The following TRERF1 variants were observed in gnomAD, a reference collection of about 807,000 sequenced individuals.
TRERF1 encodes transcriptional-regulating factor 1.
TRERF1 carries 27 observed loss-of-function variants against 122.9 expected under a neutral mutation model. That is an observed-to-expected ratio of 0.22 (90% confidence interval 0.16 to 0.30). The LOEUF (loss-of-function observed/expected upper bound fraction) is 0.30, where lower values mean the gene tolerates loss of function less well. TRERF1 is among the 10% of genes least tolerant of loss of function. The probability of loss-of-function intolerance (pLI) is 1.00; values close to 1 mark genes in which losing one functional copy is unlikely to be tolerated. For missense variants in TRERF1, 1,248 were observed against 1,560.3 expected, an observed-to-expected ratio of 0.80 and a Z score of 3.37; for synonymous variants, 636 against 641.7, an observed-to-expected ratio of 0.99 and a Z score of 0.13.
chr6:42,238,712 T>C (rs7762738), intron 15 of TRERF1, among the ~76,000 whole-genome samples: 1,731 of 152,094 alleles, frequency 0.011, 43 homozygotes, highest in African/African-American at 0.038. Context: ...TTATGAGAAA[T>C]TGGTAAGTCA....
At chr6:42,256,581 C>T in intron 12 of TRERF1, 147 bp downstream of exon 12, 1 of 637,838 alleles carries the variant, frequency 1.6e-6, no homozygotes, top group Non-Finnish European at 2.8e-6. Flanking sequence ...GACCTACCCA[C>T]CGAGAGAAGG....
intron 4 of TRERF1, among the ~76,000 whole-genome samples, chr6:42,290,089 G>T (rs530911019): frequency 4.8e-4 from 73 of 152,326 alleles, no homozygotes; most frequent in Non-Finnish European, 7.5e-4. Flanking sequence ...AGAACAGGCA[G>T]TCACTGAAGG....
intron 3 of TRERF1, among the ~76,000 whole-genome samples, chr6:42,328,198 G>A (rs1164579027): frequency 1.3e-5 from 2 of 151,626 alleles, no homozygotes; most frequent in Non-Finnish European, 2.9e-5. Flanking sequence ...TGGTAAAGAT[G>A]GGGTTTCACT....
In TRERF1 at chr6:42,370,226, A is replaced by C. The variant is rs545201488; in HGVS notation, c.-453-7147T>G. Among the ~76,000 whole-genome samples the C allele has an allele frequency of 6.6e-5, 10 of 152,300 alleles. No individual in the cohort carries two copies. In the South Asian group the frequency reaches 2.1e-3, roughly 32 times the overall value. ...TCACACATACACACATACACACAGC[A>C]GGTTACAAAATGCATCTCTGATTTG... On this transcript the variant is annotated intron_variant, in intron 2 of 17. Transcript: ENST00000372922.
Position 42,276,565 on chromosome 6 carries a change from G to A in TRERF1, c.-258-6717C>T, listed in dbSNP as rs1781185677. 6.6e-6 allele frequency among the ~76,000 whole-genome samples: 1 copy of A among 152,178 alleles called. No homozygotes were observed. Among genetic ancestry groups the A allele is most frequent in the Non-Finnish European group, 1.5e-5 (1 of 68,038 alleles). On this transcript the variant is annotated intron_variant, in intron 4 of 17. Coordinates refer to ENST00000372922, the Ensembl canonical transcript of TRERF1. This position sits in a 1 kb window ranked among gnomAD's most constrained non-coding sequence, Gnocchi z 4.3. ...GCCAAGGGCGGCTCTCCAGGATGTG[G>A]GCCGCAGTTCGCCGTCTTCTTTTTA...
intron 4 of TRERF1, among the ~76,000 whole-genome samples, chr6:42,271,806 C>T (rs897863049): frequency 2.0e-5 from 3 of 151,974 alleles, no homozygotes; most frequent in African/African-American, 7.3e-5. Context: ...AAAGTTTCAA[C>T]TTTATATAAA....
chr6:42,325,885 C>T (rs1315867980), intron 3 of TRERF1, among the ~76,000 whole-genome samples: 1 of 152,100 alleles, frequency 6.6e-6, no homozygotes, highest in Non-Finnish European at 1.5e-5. Flanking sequence ...TCCTTCACAG[C>T]AACATGGATG....
At chr6:42,433,631 T>C (rs960883517) in intron 2 of TRERF1, among the ~76,000 whole-genome samples, 2 of 152,098 alleles carry the variant, frequency 1.3e-5, no homozygotes, top group Admixed American at 1.3e-4. Context: ...TCACCAAGCA[T>C]GTCAGGAAAT....
At chr6:42,273,550 G>A (rs1299623076) in intron 4 of TRERF1, among the ~76,000 whole-genome samples, 2 of 152,220 alleles carry the variant, frequency 1.3e-5, no homozygotes, top group African/African-American at 4.8e-5. Context: ...CAGAGGTGGA[G>A]AGGACCAGGA....
intron 13 of TRERF1, among the ~76,000 whole-genome samples, chr6:42,247,219 G>C (rs1287647938): frequency 6.6e-6 from 1 of 152,206 alleles, no homozygotes; most frequent in Non-Finnish European, 1.5e-5. Context: ...AGATGGAAGA[G>C]TATTCTGGTG....
chr6:42,373,063 A>AT (rs746573306), intron 2 of TRERF1, among the ~76,000 whole-genome samples: 12 of 152,242 alleles, frequency 7.9e-5, no homozygotes, highest in Non-Finnish European at 1.5e-4. Context: ...TGTTGTAAAG[A>AT]TTTAATGAGA....
chr6:42,441,729 T>A (rs1430567728), intron 2 of TRERF1, among the ~76,000 whole-genome samples: 2 of 151,282 alleles, frequency 1.3e-5, no homozygotes, highest in African/African-American at 4.9e-5. Flanking sequence ...CACTAACTAG[T>A]GTCAGGCTCT....
intron 15 of TRERF1, among the ~76,000 whole-genome samples, chr6:42,240,365 C>T (rs907405604): frequency 6.6e-6 from 1 of 152,206 alleles, no homozygotes; most frequent in Non-Finnish European, 1.5e-5. Context: ...TCTGATTTTG[C>T]CCCTCTTCCA....
At chr6:42,380,164 C>T (rs531703832) in intron 2 of TRERF1, among the ~76,000 whole-genome samples, 1 of 131,164 alleles carries the variant, frequency 7.6e-6, no homozygotes, top group South Asian at 2.4e-4. Context: ...ATCTCAGGAA[C>T]AACCAGGAGT....
At chr6:42,313,110 A>G (rs756634387) in intron 3 of TRERF1, among the ~76,000 whole-genome samples, 4 of 152,142 alleles carry the variant, frequency 2.6e-5, no homozygotes, top group African/African-American at 4.8e-5. Flanking sequence ...AACCAGCAGA[A>G]GTTTTGCCTT....
chr6:42,243,211 G>C (rs1488632506), intron 15 of TRERF1, 37 bp downstream of exon 15: 2 of 1,573,740 alleles, frequency 1.3e-6, no homozygotes, highest in Non-Finnish European at 1.7e-6. Context: ...GGTGGGAGCT[G>C]TCCCAGCACA....
chr6:42,280,084 G>A (rs369484817), intron 4 of TRERF1, among the ~76,000 whole-genome samples: 17 of 152,072 alleles, frequency 1.1e-4, no homozygotes, highest in Non-Finnish European at 2.1e-4. Context: ...TTATGACGTC[G>A]GTGCCACGGG....
chr6:42,403,548 C>T (rs970372488), intron 2 of TRERF1, among the ~76,000 whole-genome samples: 48 of 152,256 alleles, frequency 3.2e-4, no homozygotes, highest in African/African-American at 1.1e-3. Flanking sequence ...AACCCCTGGA[C>T]GGAACCAACC....
chr6:42,321,636 A>G (rs973101271), intron 3 of TRERF1, among the ~76,000 whole-genome samples: 1 of 152,252 alleles, frequency 6.6e-6, no homozygotes, highest in African/African-American at 2.4e-5. Flanking sequence ...TGCGAGTGGT[A>G]GGAACTGTGG....
Sources: gnomAD v4.1 joint callset for allele counts (sites outside exome capture counted in the v4.1 genomes callset) on GRCh38, gnomAD v4.1.1 for gene constraint, Gnocchi (gnomAD v3.1) non-coding constraint, MANE v1.5 for transcripts, NCBI Gene and HGNC (gene_info 2026-07-23, HGNC 2026-07-21) for gene names.